The following PCMTD1 variants were observed in gnomAD, a reference collection of about 807,000 sequenced individuals.
PCMTD1 encodes the protein protein-L-isoaspartate (D-aspartate) O-methyltransferase domain containing 1, also known as protein-L-isoaspartate O-methyltransferase domain-containing protein 1.
PCMTD1 carries 12 observed loss-of-function variants against 37.6 expected under a neutral mutation model. That is an observed-to-expected ratio of 0.32 (90% confidence interval 0.20 to 0.52). The LOEUF (loss-of-function observed/expected upper bound fraction) is 0.52, where lower values mean the gene tolerates loss of function less well. Among genes scored for constraint, PCMTD1 ranks in the 20% least tolerant of loss-of-function variants. The pLI is 0.97. For missense variants in PCMTD1, 235 were observed against 421.3 expected (o/e 0.56, Z 3.87); for synonymous variants, 117 against 135.8 (o/e 0.86, Z 0.96).
chr8:51,826,159 A>G (rs963158170), intron 5 of PCMTD1, among the ~76,000 whole-genome samples: 14 of 152,258 alleles, frequency 9.2e-5, no homozygotes, highest in African/African-American at 3.4e-4. Flanking sequence ...TGTGGCACAT[A>G]TATACCATGG....
rs113183414 is a variant in PCMTD1 at position 51,821,828 on chromosome 8, C to T, written c.707-1110G>A. On this transcript the variant is annotated intron_variant, in intron 5 of 5. Coordinates refer to ENST00000522514, the MANE Select transcript of PCMTD1 (RefSeq NM_052937.4). ...CTCAGCTACTGCAACCTCCACCTCC[C>T]GGGTTCAAGCGATTCTCCTGCCTCA... Among the ~76,000 whole-genome samples the T allele has an allele frequency of 9.0e-3, 1,361 of 151,926 alleles. 13 individuals are homozygous for T. The highest frequency in any genetic ancestry group is 0.016 in the Admixed American group (238 of 15,266).
rs182777769 is a variant in PCMTD1 at position 51,845,574 on chromosome 8, C to G, written c.410+87G>C. ...TTTTGCTGCATTCAATTGAGCCAGT[C>G]AGGATCAATAATAGTGTTCAAGAAT... On this transcript the variant is annotated intron_variant, in intron 3 of 5. Coordinates refer to ENST00000522514, the MANE Select transcript of PCMTD1 (RefSeq NM_052937.4). 8.1e-4 allele frequency: 722 copies of G among 894,826 alleles called. 3 individuals are homozygous for G. The highest frequency in any genetic ancestry group is 1.8e-3 in the Admixed American group (87 of 48,164). The allele number at this position is 894,826 out of a possible 1,614,324, so 55.4% of individuals were successfully genotyped here.
chr8:51,881,043 G>A (rs1204425190), intron 1 of PCMTD1, among the ~76,000 whole-genome samples: 3 of 152,126 alleles, frequency 2.0e-5, no homozygotes, highest in South Asian at 2.1e-4. Context: ...GGCTACAACC[G>A]GCTAACACCT....
chr8:51,883,337 A>T (rs1036933669), intron 1 of PCMTD1, among the ~76,000 whole-genome samples: 1 of 152,244 alleles, frequency 6.6e-6, no homozygotes, highest in African/African-American at 2.4e-5. Flanking sequence ...CAGATGCCAC[A>T]GTTCCCATTA....
At chr8:51,855,110 G>A (rs2038364487) in intron 2 of PCMTD1, among the ~76,000 whole-genome samples, 2 of 149,168 alleles carry the variant, frequency 1.3e-5, no homozygotes, top group South Asian at 2.1e-4. Flanking sequence ...GAAGGCGGAG[G>A]TTGCAGTGAG....
intron 3 of PCMTD1, among the ~76,000 whole-genome samples, chr8:51,837,039 T>C (rs1563339811): frequency 6.6e-6 from 1 of 152,204 alleles, no homozygotes; most frequent in African/African-American, 2.4e-5. Context: ...CTCCTATAAC[T>C]AAATGACAGG....
chr8:51,817,924 C>G lies in PCMTD1; in HGVS notation c.*2427G>C, dbSNP rs776431694. 3 of 456,794 alleles carry G rather than the reference C, an allele frequency of 6.6e-6. No homozygotes were observed. The highest frequency in any genetic ancestry group is 4.6e-5 in the South Asian group (3 of 64,572). 28.3% of individuals were successfully genotyped at this position (456,794 alleles called of 1,614,324 possible). A position where few individuals can be genotyped will look rare whatever the true frequency, so the allele number is the denominator to read the frequency against. ...TGCCACGGTTCTAGGTCTGTTTTCT[C>G]ATCTGCAAAATAAACACCCAAATTA... is the stretch of plus-strand genomic sequence containing the variant. On this transcript the variant is annotated 3_prime_UTR_variant, in exon 6 of 6. Coordinates refer to ENST00000522514, the MANE Select transcript of PCMTD1 (RefSeq NM_052937.4).
chr8:51,849,892 A>G, intron 2 of PCMTD1: 1 of 602,542 alleles, frequency 1.7e-6, no homozygotes, highest in Non-Finnish European at 2.9e-6. Flanking sequence ...TGATGAGTAG[A>G]AGACTGAGGC....
intron 1 of PCMTD1, among the ~76,000 whole-genome samples, chr8:51,891,643 T>C (rs1489919616): frequency 6.7e-6 from 1 of 149,044 alleles, no homozygotes; most frequent in Admixed American, 6.8e-5. Flanking sequence ...ATTCAGTAAA[T>C]TATATGCCAC....
At chr8:51,864,923 G>T (rs1054604162) in intron 1 of PCMTD1, among the ~76,000 whole-genome samples, 1 of 151,644 alleles carries the variant, frequency 6.6e-6, no homozygotes, top group East Asian at 1.9e-4. Context: ...TCTTTAAAAA[G>T]ATAAACAAAA....
chr8:51,870,641 T>C (rs961079227), intron 1 of PCMTD1, among the ~76,000 whole-genome samples: 7 of 152,174 alleles, frequency 4.6e-5, no homozygotes, highest in African/African-American at 1.7e-4. Flanking sequence ...CACAAGATCA[T>C]ATGAGAAGCT....
intron 1 of PCMTD1, among the ~76,000 whole-genome samples, chr8:51,883,129 T>G (rs1337319430): frequency 6.6e-6 from 1 of 151,888 alleles, no homozygotes; most frequent in East Asian, 1.9e-4. Context: ...ACAGCGAGAT[T>G]CCGTCTCAAA....
chr8:51,869,981 A>G (rs2038615056), intron 1 of PCMTD1, among the ~76,000 whole-genome samples: 1 of 152,194 alleles, frequency 6.6e-6, no homozygotes, highest in East Asian at 1.9e-4. Flanking sequence ...TTAGGAAAGA[A>G]CTGTCAAAGG....
At chr8:51,870,711 C>G (rs974809814) in intron 1 of PCMTD1, among the ~76,000 whole-genome samples, 1 of 152,200 alleles carries the variant, frequency 6.6e-6, no homozygotes, top group African/African-American at 2.4e-5. Context: ...ATGAAACCCT[C>G]TGACACAGAA....
At chr8:51,887,747 T>TC (rs920388213) in intron 1 of PCMTD1, among the ~76,000 whole-genome samples, 1 of 147,490 alleles carries the variant, frequency 6.8e-6, no homozygotes, top group Non-Finnish European at 1.5e-5. Flanking sequence ...CATAATTTCT[T>TC]TTTTTTTTTT....
intron 1 of PCMTD1, among the ~76,000 whole-genome samples, chr8:51,871,234 T>C (rs2038635229): frequency 6.6e-6 from 1 of 151,996 alleles, no homozygotes; most frequent in Admixed American, 6.6e-5. Context: ...AAGTGAGAGG[T>C]GTCTAAAAGA....
intron 3 of PCMTD1, among the ~76,000 whole-genome samples, chr8:51,841,052 G>T (rs1456371211): frequency 1.3e-5 from 2 of 152,088 alleles, no homozygotes; most frequent in Admixed American, 1.3e-4. Context: ...TAACTTGCTG[G>T]AAAGAAATAT....
chr8:51,880,308 C>T (rs1450301008), intron 1 of PCMTD1, among the ~76,000 whole-genome samples: 1 of 151,918 alleles, frequency 6.6e-6, no homozygotes, highest in Non-Finnish European at 1.5e-5. Context: ...ACCTCAGTGG[C>T]AATTAAAATG....
At chr8:51,898,557 T>C (rs1437679943) in intron 1 of PCMTD1, among the ~76,000 whole-genome samples, 1 of 151,784 alleles carries the variant, frequency 6.6e-6, no homozygotes, top group Admixed American at 6.6e-5. Context: ...GGGACTCTGG[T>C]CCCCAAGCCC....
Sources: allele counts gnomAD v4.1 joint callset (sites outside exome capture counted in the v4.1 genomes callset), GRCh38; gene constraint gnomAD v4.1.1; transcripts MANE v1.5; gene names NCBI Gene and HGNC (gene_info 2026-07-23, HGNC 2026-07-21).